The following TASP1 variants were observed in gnomAD, a reference collection of about 807,000 sequenced individuals.
The protein encoded by TASP1 is taspase 1.
TASP1 carries 16 observed loss-of-function variants against 56.6 expected under a neutral mutation model. The ratio of observed to expected loss-of-function variants is 0.28; its 90% CI spans 0.19 to 0.43. The LOEUF is 0.43. Ranked by LOEUF, TASP1 falls within the 20% of genes least tolerant of loss-of-function variation. The pLI, the probability that TASP1 is intolerant of heterozygous loss-of-function variation, is 1.00. For synonymous variants in TASP1, 179 were observed against 184.2 expected (o/e 0.97, Z 0.23); for missense variants, 393 against 511.6 (o/e 0.77, Z 2.24).
At chr20:13,306,527 C>T in the TASP1 span, among the ~76,000 whole-genome samples, 7 of 126,716 alleles carry the variant, frequency 5.5e-5, no homozygotes, top group Non-Finnish European at 1.1e-4. Context: ...TCTGTTTTCA[C>T]CTTTGGAGAG....
intron 1 of TASP1, among the ~76,000 whole-genome samples, chr20:13,630,655 C>T (rs1441244795): frequency 1.4e-5 from 2 of 141,712 alleles, no homozygotes; most frequent in Non-Finnish European, 3.0e-5. Flanking sequence ...CACCACTACA[C>T]TCCAGCCTGG....
At chr20:13,251,082 G>C in the TASP1 span, among the ~76,000 whole-genome samples, 1 of 152,040 alleles carries the variant, frequency 6.6e-6, no homozygotes, top group Admixed American at 6.5e-5. Flanking sequence ...TCTGCTCCTT[G>C]GATTTCTGCC....
the TASP1 span, among the ~76,000 whole-genome samples, chr20:13,159,368 C>T: frequency 0.057 from 8,611 of 152,190 alleles, 284 homozygotes; most frequent in African/African-American, 0.087. Flanking sequence ...CATCCCTGGG[C>T]ATGTTCATTC....
intron 10 of TASP1, among the ~76,000 whole-genome samples, chr20:13,508,790 T>G (rs927826936): frequency 6.6e-6 from 1 of 152,126 alleles, no homozygotes; most frequent in African/African-American, 2.4e-5. Flanking sequence ...CAATGAGGTA[T>G]TCCCTCACAC....
At chr20:13,539,235 T>C (rs79691115) in intron 8 of TASP1, among the ~76,000 whole-genome samples, 191 of 152,340 alleles carry the variant, frequency 1.3e-3, no homozygotes, top group Admixed American at 8.1e-3. Context: ...TCTTAAGTAA[T>C]CTTTTATTTT....
the TASP1 span, among the ~76,000 whole-genome samples, chr20:13,349,068 T>C: frequency 6.6e-6 from 1 of 152,286 alleles, no homozygotes; most frequent in East Asian, 1.9e-4. Context: ...AGGATGATTT[T>C]CCTATAAACA....
chr20:13,347,543 T>C, the TASP1 span, among the ~76,000 whole-genome samples: 143 of 152,328 alleles, frequency 9.4e-4, no homozygotes, highest in Non-Finnish European at 1.6e-3. Context: ...TTTGAGCAAT[T>C]AGCAAAGTTT....
chr20:13,348,278 A>G, the TASP1 span, among the ~76,000 whole-genome samples: 2 of 152,224 alleles, frequency 1.3e-5, no homozygotes, highest in Non-Finnish European at 2.9e-5. Flanking sequence ...TGCTTTACTA[A>G]AAAGGAAAAC....
intron 7 of TASP1, among the ~76,000 whole-genome samples, chr20:13,568,676 T>G (rs1032470897): frequency 1.3e-5 from 2 of 152,154 alleles, no homozygotes; most frequent in Non-Finnish European, 2.9e-5. Context: ...TTGTATATTC[T>G]TAATAATGCT....
At chr20:13,260,506 G>A in the TASP1 span, among the ~76,000 whole-genome samples, 9 of 152,146 alleles carry the variant, frequency 5.9e-5, no homozygotes, top group African/African-American at 2.2e-4. Context: ...AGTCATTGCA[G>A]ATAGAATCTA....
intron 13 of TASP1, among the ~76,000 whole-genome samples, chr20:13,413,273 T>C (rs1600716239): frequency 6.6e-6 from 1 of 152,132 alleles, no homozygotes; most frequent in South Asian, 2.1e-4. Flanking sequence ...GGAAATATGG[T>C]ATGGGCAACA....
chr20:13,544,347 C>G (rs937686743), intron 8 of TASP1, among the ~76,000 whole-genome samples: 3 of 152,182 alleles, frequency 2.0e-5, no homozygotes, highest in African/African-American at 7.2e-5. Context: ...AAAGTGAGAA[C>G]AAGCAATGCC....
the TASP1 span, among the ~76,000 whole-genome samples, chr20:13,280,504 A>C: frequency 6.6e-6 from 1 of 152,052 alleles, no homozygotes; most frequent in Non-Finnish European, 1.5e-5. Flanking sequence ...TAAAATAATA[A>C]AAGTTCATTT....
At chr20:13,122,043 A>C in the TASP1 span, among the ~76,000 whole-genome samples, 2 of 152,188 alleles carry the variant, frequency 1.3e-5, no homozygotes, top group African/African-American at 2.4e-5. Context: ...CCAAGCTAAG[A>C]GACAATTGCT....
At chr20:13,110,067 T>G in the TASP1 span, 3 of 1,508,752 alleles carry the variant, frequency 2.0e-6, no homozygotes, top group South Asian at 3.6e-5. Context: ...AAAGGAAAAG[T>G]AAACCCTTTC....
the TASP1 span, among the ~76,000 whole-genome samples, chr20:13,178,635 A>G: frequency 3.3e-5 from 5 of 152,054 alleles, no homozygotes; most frequent in African/African-American, 9.7e-5. Flanking sequence ...GTTAAGTGAA[A>G]TAAGCCAGGA....
chr20:13,117,082 C>T, the TASP1 span, among the ~76,000 whole-genome samples: 20 of 152,300 alleles, frequency 1.3e-4, no homozygotes, highest in South Asian at 1.7e-3. Flanking sequence ...AATTCAAGCA[C>T]CAAATTTAAG....
chr20:13,436,570 T>G (rs2043012116), intron 11 of TASP1, among the ~76,000 whole-genome samples: 1 of 152,086 alleles, frequency 6.6e-6, no homozygotes, highest in Admixed American at 6.6e-5. Flanking sequence ...CTAAAGAAGG[T>G]GAACTAGAGA....
At chr20:13,494,058 C>T (rs1327531263) in intron 10 of TASP1, among the ~76,000 whole-genome samples, 5 of 152,128 alleles carry the variant, frequency 3.3e-5, no homozygotes, top group Admixed American at 1.3e-4. Context: ...TATGTATAAG[C>T]ATTAGATTTA....
Sources: gnomAD v4.1 joint callset for allele counts (sites outside exome capture counted in the v4.1 genomes callset) on GRCh38, gnomAD v4.1.1 for gene constraint, MANE v1.5 for transcripts, NCBI Gene and HGNC (gene_info 2026-07-23, HGNC 2026-07-21) for gene names.